Variants in ADAMTS17 observed in about 807,000 individuals in gnomAD.
ADAMTS17 encodes the protein ADAM metallopeptidase with thrombospondin type 1 motif 17.
ADAMTS17 carries 113 observed loss-of-function variants against 141.5 expected under a neutral mutation model. The observed-to-expected ratio is 0.80, with a 90% confidence interval of 0.69 to 0.93. ADAMTS17 has a LOEUF of 0.93. Among genes scored for constraint, ADAMTS17 ranks in the 40% least tolerant of loss-of-function variants. The pLI is 0.00. For missense variants in ADAMTS17, 1,659 were observed against 1,517.9 expected (o/e 1.09, Z -1.54); for synonymous variants, 768 against 630.6 (o/e 1.22, Z -3.27).
intron 3 of ADAMTS17, among the ~76,000 whole-genome samples, chr15:100,322,263 G>C (rs962640663): frequency 5.3e-5 from 8 of 152,148 alleles, no homozygotes; most frequent in Non-Finnish European, 8.8e-5. Context: ...GCAACAAGGT[G>C]ACTGGAAAGT....
chr15:100,080,104 G>T (rs2034633192), intron 15 of ADAMTS17, among the ~76,000 whole-genome samples: 1 of 150,860 alleles, frequency 6.6e-6, no homozygotes, highest in African/African-American at 2.5e-5. Context: ...GGGTGAAACT[G>T]AACTGACACC....
At chr15:99,975,228 G>A (rs1312697215) in intron 21 of ADAMTS17, among the ~76,000 whole-genome samples, 2 of 152,268 alleles carry the variant, frequency 1.3e-5, no homozygotes, top group African/African-American at 4.8e-5. Context: ...GTTTTTTGTT[G>A]AGATGGAGTC....
chr15:100,295,817 T>A (rs947926952), intron 3 of ADAMTS17, among the ~76,000 whole-genome samples: 2 of 152,162 alleles, frequency 1.3e-5, no homozygotes, highest in Non-Finnish European at 2.9e-5. Context: ...AGGTCAGACC[T>A]TAAACTAGTG....
intron 7 of ADAMTS17, among the ~76,000 whole-genome samples, chr15:100,236,557 A>AC (rs2042661388): frequency 6.6e-6 from 1 of 152,092 alleles, no homozygotes; most frequent in Admixed American, 6.6e-5. Context: ...AAACAAACAA[A>AC]AAAACGGCAG....
chr15:100,008,000 G>A (rs934222916), intron 18 of ADAMTS17, among the ~76,000 whole-genome samples: 1 of 152,146 alleles, frequency 6.6e-6, no homozygotes, highest in African/African-American at 2.4e-5. Flanking sequence ...GGGATGCCGG[G>A]AAGGGACTGC....
At chr15:100,014,091 A>G (rs1010465297) in intron 18 of ADAMTS17, among the ~76,000 whole-genome samples, 1 of 152,060 alleles carries the variant, frequency 6.6e-6, no homozygotes, top group Non-Finnish European at 1.5e-5. Flanking sequence ...AGGGTATGCA[A>G]TTCTTCCTGA....
At chr15:100,062,994 G>C (rs1316516915) in intron 15 of ADAMTS17, among the ~76,000 whole-genome samples, 1 of 152,170 alleles carries the variant, frequency 6.6e-6, no homozygotes, top group Non-Finnish European at 1.5e-5. Context: ...TCAAGTCCTG[G>C]GCTGACCTTT....
chr15:100,121,134 G>A (rs550694924), intron 12 of ADAMTS17, among the ~76,000 whole-genome samples: 2 of 152,252 alleles, frequency 1.3e-5, no homozygotes, highest in Admixed American at 1.3e-4. Flanking sequence ...TAGCAAACTT[G>A]AATATAGGAC....
intron 12 of ADAMTS17, among the ~76,000 whole-genome samples, chr15:100,125,555 T>C (rs1210472172): frequency 6.6e-6 from 1 of 152,162 alleles, no homozygotes; most frequent in African/African-American, 2.4e-5. Flanking sequence ...CCTGCTGGGA[T>C]GCAGCTGGCT....
At chr15:100,140,488 C>CATATATATATATATATATATAT (rs60035034) in intron 10 of ADAMTS17, among the ~76,000 whole-genome samples, 1,797 of 124,598 alleles carry the variant, frequency 0.014, 68 homozygotes, top group East Asian at 0.024. Context: ...CACATACATA[C>CATATATATATATATATATATAT]ATATATATAT....
intron 3 of ADAMTS17, among the ~76,000 whole-genome samples, chr15:100,299,192 G>A (rs958476138): frequency 6.6e-5 from 10 of 152,012 alleles, no homozygotes; most frequent in Middle Eastern, 3.4e-3. Flanking sequence ...TATGAACTTG[G>A]GGGAGACACA....
chr15:100,301,485 G>A (rs960280979), intron 3 of ADAMTS17, among the ~76,000 whole-genome samples: 25 of 148,592 alleles, frequency 1.7e-4, no homozygotes, highest in East Asian at 5.9e-4. Flanking sequence ...CCACCACACC[G>A]GGCTAATTTT....
intron 15 of ADAMTS17, among the ~76,000 whole-genome samples, chr15:100,085,726 A>G (rs1459117975): frequency 6.7e-6 from 1 of 150,134 alleles, no homozygotes; most frequent in Non-Finnish European, 1.5e-5. Flanking sequence ...TCAAGCCAGA[A>G]TTTCATATCC....
Position 100,338,973 on chromosome 15 carries a change from T to C in ADAMTS17, c.450+2066A>G, listed in dbSNP as rs189190360. On this transcript the variant is annotated intron_variant, in intron 2 of 21. Transcript: ENST00000268070. ...TCCACCTCCAAGTCACCCCACTGTC[T>C]CTTCCCTCCGGCCTTCAGTACGTAC... 2.7e-5 allele frequency: 27 copies of C among 985,550 alleles called. No homozygotes were observed. In the East Asian group the frequency reaches 2.8e-3, roughly 103 times the overall value. 61.1% of individuals were successfully genotyped at this position (985,550 alleles called of 1,614,324 possible). A position where few individuals can be genotyped will look rare whatever the true frequency, so the allele number is the denominator to read the frequency against.
intron 5 of ADAMTS17, 83 bp downstream of exon 5, chr15:100,262,269 C>A (rs2043548017): frequency 1.2e-5 from 15 of 1,276,070 alleles, no homozygotes; most frequent in Non-Finnish European, 1.5e-5. Flanking sequence ...TCCCTGGAGC[C>A]CCGCTTAGCA....
Position 100,222,467 on chromosome 15 carries a change from G to A in ADAMTS17, c.1076-23044C>T, listed in dbSNP as rs558791473. Reference sequence around the variant, plus strand: ...GGGCAGCCCTGCCTGGAATGAGGCAGATCTGACTGGCTCAGTGCTGCACTG... The same window carrying A: ...GGGCAGCCCTGCCTGGAATGAGGCAAATCTGACTGGCTCAGTGCTGCACTG... On this transcript the variant is annotated intron_variant, in intron 7 of 21. Coordinates refer to ENST00000268070, the MANE Select transcript of ADAMTS17 (RefSeq NM_139057.4). Among the ~76,000 whole-genome samples the A allele has an allele frequency of 2.0e-5, 3 of 152,358 alleles. No individual in the cohort carries two copies. In the South Asian group the frequency reaches 6.2e-4, roughly 32 times the overall value.
intron 20 of ADAMTS17, among the ~76,000 whole-genome samples, chr15:99,981,491 G>A (rs1358531293): frequency 6.6e-6 from 1 of 152,334 alleles, no homozygotes; most frequent in Non-Finnish European, 1.5e-5. Flanking sequence ...ACAGCTGTGG[G>A]CTATGAGTGG....
At chr15:100,181,195 T>G (rs536239393) in intron 8 of ADAMTS17, among the ~76,000 whole-genome samples, 70 of 152,184 alleles carry the variant, frequency 4.6e-4, no homozygotes, top group Admixed American at 1.8e-3. Flanking sequence ...GACATCGGAC[T>G]CACCATTTAG....
intron 7 of ADAMTS17, among the ~76,000 whole-genome samples, chr15:100,233,905 T>C (rs1341207267): frequency 1.3e-5 from 2 of 152,146 alleles, no homozygotes; most frequent in African/African-American, 4.8e-5. Context: ...AGGAGAACCC[T>C]GGGCCACATG....
Sources: gnomAD v4.1 joint callset for allele counts (sites outside exome capture counted in the v4.1 genomes callset) on GRCh38, gnomAD v4.1.1 for gene constraint, MANE v1.5 for transcripts, NCBI Gene and HGNC (gene_info 2026-07-23, HGNC 2026-07-21) for gene names.